Variants in DHRSX observed in about 807,000 individuals in gnomAD.
DHRSX encodes the protein polyprenol dehydrogenase.
In DHRSX, 31 loss-of-function variants were observed where a neutral mutation model predicts 34.0. The observed-to-expected ratio is 0.91, with a 90% CI of 0.69 to 1.23. DHRSX has a LOEUF of 1.23. DHRSX is among the 50% of genes most tolerant of loss of function. The pLI is 0.00. For missense variants in DHRSX, 414 were observed against 428.1 expected, an observed-to-expected ratio of 0.97 and a Z score of 0.29; for synonymous variants, 201 against 183.8, an observed-to-expected ratio of 1.09 and a Z score of -0.76.
At chrX:2,416,586 T>G (rs1295660168) in intron 2 of DHRSX, among the ~76,000 whole-genome samples, 3 of 152,146 alleles carry the variant, frequency 2.0e-5, no homozygotes, top group Non-Finnish European at 4.4e-5. Context: ...GAGCTCATAG[T>G]TATGAGAGAA....
At chrX:2,291,114 G>C (rs1235981925) in intron 4 of DHRSX, among the ~76,000 whole-genome samples, 2 of 151,998 alleles carry the variant, frequency 1.3e-5, no homozygotes, top group Admixed American at 6.6e-5. Context: ...TTGAACAGGG[G>C]GTAAAATCAA....
chrX:2,257,783 G>A (rs1353108370), intron 5 of DHRSX, among the ~76,000 whole-genome samples: 3 of 152,022 alleles, frequency 2.0e-5, no homozygotes, highest in Non-Finnish European at 4.4e-5. Flanking sequence ...CTGCCATGGC[G>A]CTTGGCTAAT....
chrX:2,477,319 C>A (rs1178463336), intron 1 of DHRSX, among the ~76,000 whole-genome samples: 1 of 152,168 alleles, frequency 6.6e-6, no homozygotes, highest in Non-Finnish European at 1.5e-5. Context: ...GATTAAGGTG[C>A]CCACAGCATC....
At chrX:2,345,655 CAAA>C (rs71309483) in intron 3 of DHRSX, among the ~76,000 whole-genome samples, 31 of 118,514 alleles carry the variant, frequency 2.6e-4, no homozygotes, top group African/African-American at 2.9e-4. Flanking sequence ...AACTCTGTCT[CAAA>C]AAAAAAAAAA....
intron 5 of DHRSX, among the ~76,000 whole-genome samples, chrX:2,263,574 C>T (rs761325977): frequency 4.1e-5 from 6 of 145,112 alleles, no homozygotes; most frequent in Admixed American, 3.6e-4. Context: ...AGTGCAGTGG[C>T]GTGATCTTGG....
chrX:2,394,861 G>A (rs1370196494), intron 3 of DHRSX, among the ~76,000 whole-genome samples: 3 of 149,786 alleles, frequency 2.0e-5, no homozygotes, highest in Non-Finnish European at 4.4e-5. Flanking sequence ...GTGAGACTCC[G>A]TCTCATGAAA....
At chrX:2,243,798 T>TGTTTTTG (rs1460406117) in intron 5 of DHRSX, among the ~76,000 whole-genome samples, 1 of 93,822 alleles carries the variant, frequency 1.1e-5, no homozygotes, top group African/African-American at 4.6e-5. Flanking sequence ...GTTTTTTTTT[T>TGTTTTTG]TTTTTTTTTT....
At chrX:2,308,518 T>C (rs2042127322) in intron 3 of DHRSX, among the ~76,000 whole-genome samples, 1 of 152,090 alleles carries the variant, frequency 6.6e-6, no homozygotes, top group Non-Finnish European at 1.5e-5. Context: ...GTCTAAAACG[T>C]TAATGGAACA....
intron 3 of DHRSX, among the ~76,000 whole-genome samples, chrX:2,303,783 G>A (rs2042046169): frequency 1.2e-5 from 1 of 80,630 alleles, no homozygotes; most frequent in African/African-American, 4.5e-5. Flanking sequence ...ATGGATGGAT[G>A]GATGGATGGG....
intron 1 of DHRSX, among the ~76,000 whole-genome samples, chrX:2,469,077 A>G (rs184289972): frequency 0.02 from 2,987 of 151,618 alleles, 47 homozygotes; most frequent in South Asian, 0.038. Flanking sequence ...GGCATTCCGA[A>G]GCATGTGGCT....
intron 3 of DHRSX, among the ~76,000 whole-genome samples, chrX:2,330,091 GGGGAGGGAGGGA>G (rs2042441203): frequency 1.1e-4 from 2 of 18,318 alleles, no homozygotes; most frequent in Non-Finnish European, 3.4e-4. Flanking sequence ...GGGGGGGGGG[GGGGAGGGAGGGA>G]GAGAGAGAGA....
intron 4 of DHRSX, among the ~76,000 whole-genome samples, chrX:2,286,584 C>G (rs1371405420): frequency 6.6e-6 from 1 of 152,094 alleles, no homozygotes; most frequent in African/African-American, 2.4e-5. Flanking sequence ...GAGACTGCCT[C>G]TCTGCATTTC....
chrX:2,485,112 A>G (rs990012684), intron 1 of DHRSX, among the ~76,000 whole-genome samples: 8 of 152,188 alleles, frequency 5.3e-5, no homozygotes, highest in African/African-American at 1.9e-4. Context: ...GCAAGCGTGA[A>G]AACAAAACCG....
At chrX:2,292,948 T>G (rs2041884280) in intron 3 of DHRSX, among the ~76,000 whole-genome samples, 1 of 152,190 alleles carries the variant, frequency 6.6e-6, no homozygotes, top group African/African-American at 2.4e-5. Context: ...ATTTTATTTT[T>G]TATTACATTT....
intron 3 of DHRSX, among the ~76,000 whole-genome samples, chrX:2,311,061 C>CAA (rs33965542): frequency 1.5e-5 from 2 of 131,002 alleles, no homozygotes; most frequent in Admixed American, 7.7e-5. Context: ...CACTCTGTGT[C>CAA]AAAAAAAAAA....
chrX:2,498,578 G>A (rs2045337467), intron 1 of DHRSX, among the ~76,000 whole-genome samples: 1 of 148,854 alleles, frequency 6.7e-6, no homozygotes, highest in Non-Finnish European at 1.5e-5. Context: ...TTCACCAGAA[G>A]CTCGTCCTCT....
intron 1 of DHRSX, among the ~76,000 whole-genome samples, chrX:2,449,599 G>A (rs1281770656): frequency 2.0e-5 from 3 of 151,974 alleles, no homozygotes; most frequent in East Asian, 3.9e-4. Flanking sequence ...GGGCTCAGGC[G>A]ATCCTTCAGC....
intron 1 of DHRSX, among the ~76,000 whole-genome samples, chrX:2,455,760 A>C (rs1366800975): frequency 6.6e-6 from 1 of 151,420 alleles, no homozygotes; most frequent in East Asian, 1.9e-4. Context: ...AAAAAAAAAA[A>C]ACAATAAAAA....
At chrX:2,317,718 T>C (rs922916086) in intron 3 of DHRSX, among the ~76,000 whole-genome samples, 8 of 152,144 alleles carry the variant, frequency 5.3e-5, no homozygotes, top group African/African-American at 1.9e-4. Context: ...ACATTTTACA[T>C]GGCAAAGTGC....
Sources: allele counts gnomAD v4.1 joint callset (sites outside exome capture counted in the v4.1 genomes callset), GRCh38; gene constraint gnomAD v4.1.1; transcripts MANE v1.5; gene names NCBI Gene and HGNC (gene_info 2026-07-23, HGNC 2026-07-21).